Variants in TBC1D2B observed in about 807,000 individuals in gnomAD.
TBC1D2B encodes TBC1 domain family, member 2B.
In TBC1D2B, 64 loss-of-function variants were observed where a neutral mutation model predicts 100.8. The ratio of observed to expected loss-of-function variants is 0.64; its 90% CI spans 0.52 to 0.78. The LOEUF (loss-of-function observed/expected upper bound fraction) is 0.78, where lower values mean the gene tolerates loss of function less well. Among genes scored for constraint, TBC1D2B ranks in the 30% least tolerant of loss-of-function variants. The pLI is 0.00. For synonymous variants in TBC1D2B, 480 were observed against 479.7 expected, an observed-to-expected ratio of 1.00 and a Z score of -0.01; for missense variants, 1,052 against 1,218.4, an observed-to-expected ratio of 0.86 and a Z score of 2.03.
chr15:77,999,591 C>G (rs1052668596), intron 12 of TBC1D2B, among the ~76,000 whole-genome samples: 1 of 152,186 alleles, frequency 6.6e-6, no homozygotes, highest in Admixed American at 6.5e-5. Context: ...CCCCAGCAGG[C>G]GGGAGGAGGC....
At position 78,016,742 on chromosome 15, in the gene TBC1D2B, G is replaced by A. The variant is rs1422044991; in HGVS notation, c.1582-3C>T. 2 of 1,528,036 alleles carry A rather than the reference G, an allele frequency of 1.3e-6. No homozygotes were observed. Among genetic ancestry groups the A allele is most frequent in the Non-Finnish European group, 8.8e-7 (1 of 1,140,264 alleles). 94.7% of individuals were successfully genotyped at this position (1,528,036 alleles called of 1,614,324 possible). On this transcript the variant is annotated splice_region_variant and splice_polypyrimidine_tract_variant and intron_variant, in intron 7 of 12. Transcript: ENST00000300584. ...AGCTTGGCTTCCAGGCTAGAATACT[G>A]CAGAGAATGTGGTGGTTACCTCCAT...
At chr15:78,069,930 T>G (rs1288206274) in intron 1 of TBC1D2B, among the ~76,000 whole-genome samples, 1 of 152,244 alleles carries the variant, frequency 6.6e-6, no homozygotes, top group Non-Finnish European at 1.5e-5. Flanking sequence ...AATAAATTTC[T>G]GTTGTTTATA....
At chr15:78,054,247 ATAT>A (rs2073374325) in intron 1 of TBC1D2B, 60 bp from the exon 2 acceptor site, 2 of 1,527,200 alleles carry the variant, frequency 1.3e-6, no homozygotes, top group African/African-American at 2.8e-5. Context: ...AGCTTAAAAA[ATAT>A]TATGTCTCAT....
In TBC1D2B at chr15:78,025,432, T is replaced by C. The variant is rs2141698571; in HGVS notation, c.913A>G (p.Lys305Glu). 1 of 1,613,976 alleles carries C rather than the reference T, an allele frequency of 6.2e-7. No individual in the cohort carries two copies. The highest frequency in any genetic ancestry group is 1.3e-5 in the African/African-American group (1 of 75,036). The change falls in exon 5 of 13, where the codon AAA becomes GAA. Residue 305 changes from lysine to glutamate, a missense_variant. Lys to Glu is a moderately conservative substitution (Grantham distance 56, BLOSUM62 1). This residue lies in a region of TBC1D2B where 627 missense variants were observed against 646.1 expected (regional missense o/e 0.97). Coordinates refer to ENST00000300584, the MANE Select transcript of TBC1D2B (RefSeq NM_144572.2). ...TTTTTGTACGACCCAATTATGTCTT[T>C]CAAAGGGCGCTTTCCTTTGTAGGGG... ...RNPYKGKRPLKDIIGSYKNRH... is the reference protein window; with the variant it reads ...RNPYKGKRPLEDIIGSYKNRH...
At chr15:78,062,528 T>C (rs887245800) in intron 1 of TBC1D2B, among the ~76,000 whole-genome samples, 1 of 152,136 alleles carries the variant, frequency 6.6e-6, no homozygotes, top group African/African-American at 2.4e-5. Context: ...TGAGGAGAAT[T>C]TGGAAAACAC....
intron 1 of TBC1D2B, among the ~76,000 whole-genome samples, chr15:78,074,804 TTTTA>T (rs1677828984): frequency 6.6e-6 from 1 of 152,250 alleles, no homozygotes; most frequent in Non-Finnish European, 1.5e-5. Flanking sequence ...TCTTGTTCAA[TTTTA>T]TTGTTTGTGA....
chr15:78,001,824 TACTGGGG>T, intron 11 of TBC1D2B, 84 bp from the exon 12 acceptor site: 1 of 1,460,750 alleles, frequency 6.8e-7, no homozygotes, highest in South Asian at 1.3e-5. Flanking sequence ...GTGCTGGCCC[TACTGGGG>T]ACAGGGGGAC....
Position 78,077,237 on chromosome 15 carries a change from G to A in TBC1D2B, c.360+56C>T, listed in dbSNP as rs977632020. The A allele has an allele frequency of 1.1e-5, 15 of 1,403,560 alleles. 1 individual carries two copies. Among genetic ancestry groups the A allele is most frequent in the South Asian group, 1.6e-5 (1 of 64,022 alleles). 86.9% of individuals were successfully genotyped at this position (1,403,560 alleles called of 1,614,324 possible). ...AGGGTGGATGGCGCAAGCCAGTGGC[G>A]GAGGCAGGGGACGCCGGCGGAAGCG... On this transcript the variant is annotated intron_variant, in intron 1 of 12. Coordinates refer to ENST00000300584, the MANE Select transcript of TBC1D2B (RefSeq NM_144572.2).
intron 9 of TBC1D2B, among the ~76,000 whole-genome samples, chr15:78,011,449 T>A (rs1235738114): frequency 6.6e-6 from 1 of 151,402 alleles, no homozygotes; most frequent in Non-Finnish European, 1.5e-5. Flanking sequence ...CAGAACTTTT[T>A]CATTCTTACT....
At chr15:78,005,505 A>G (rs889737989) in intron 10 of TBC1D2B, among the ~76,000 whole-genome samples, 1 of 152,200 alleles carries the variant, frequency 6.6e-6, no homozygotes, top group Non-Finnish European at 1.5e-5. Context: ...CACCTTACGC[A>G]ATGGCCATCG....
chr15:78,006,383 G>A (rs754690040), intron 10 of TBC1D2B, among the ~76,000 whole-genome samples: 17 of 152,116 alleles, frequency 1.1e-4, no homozygotes, highest in South Asian at 2.1e-4. Context: ...ACACACCAAC[G>A]CAACAGAACA....
chr15:78,074,959 C>G (rs560197218), intron 1 of TBC1D2B, among the ~76,000 whole-genome samples: 99 of 152,100 alleles, frequency 6.5e-4, no homozygotes, highest in Admixed American at 2.7e-3. Flanking sequence ...ATTTTCCATA[C>G]CACTATGGAA....
chr15:78,017,559 T>C (rs1307861532), intron 7 of TBC1D2B, among the ~76,000 whole-genome samples: 2 of 152,248 alleles, frequency 1.3e-5, no homozygotes, highest in East Asian at 3.8e-4. Flanking sequence ...CTTATGTTCT[T>C]TTTTTAACTA....
chr15:78,025,252 A>G lies in TBC1D2B; in HGVS notation c.1086+7T>C, dbSNP rs755679290. 6.2e-7 allele frequency: 1 copy of G among 1,611,352 alleles called. No individual in the cohort carries two copies. The highest frequency in any genetic ancestry group is 8.5e-7 in the Non-Finnish European group (1 of 1,178,232). On this transcript the variant is annotated splice_region_variant and intron_variant, in intron 5 of 12. Coordinates refer to ENST00000300584, the MANE Select transcript of TBC1D2B (RefSeq NM_144572.2). ...GGGGTAAGACAGAAGCCAGAAGAAG[A>G]AGTTACCTTCTGACTGGACAGGTCT...
intron 8 of TBC1D2B, among the ~76,000 whole-genome samples, chr15:78,014,952 A>G (rs1212273633): frequency 6.6e-6 from 1 of 152,236 alleles, no homozygotes; most frequent in African/African-American, 2.4e-5. Flanking sequence ...CGGTAATCCC[A>G]GCACTTTGGG....
At chr15:78,055,337 G>A (rs1473396437) in intron 1 of TBC1D2B, among the ~76,000 whole-genome samples, 3 of 151,810 alleles carry the variant, frequency 2.0e-5, no homozygotes, top group Non-Finnish European at 2.9e-5. Context: ...CAAGATGGGG[G>A]AGAGGACCCA....
chr15:78,004,355 C>T (rs369794326), intron 10 of TBC1D2B, among the ~76,000 whole-genome samples: 2 of 152,210 alleles, frequency 1.3e-5, no homozygotes, highest in Non-Finnish European at 2.9e-5. Flanking sequence ...GACAGGTCCC[C>T]GCCAAGCACT....
At chr15:78,026,282 G>C (rs1403764158) in intron 4 of TBC1D2B, among the ~76,000 whole-genome samples, 1 of 151,956 alleles carries the variant, frequency 6.6e-6, no homozygotes, top group African/African-American at 2.4e-5. Flanking sequence ...TAGGTCATGA[G>C]GACTCTGCCC....
intron 3 of TBC1D2B, among the ~76,000 whole-genome samples, chr15:78,037,068 A>G (rs1296624666): frequency 6.6e-6 from 1 of 152,186 alleles, no homozygotes; most frequent in Non-Finnish European, 1.5e-5. Context: ...CACAGCCTCA[A>G]AGAAACCAAA....
Sources: allele counts gnomAD v4.1 joint callset (sites outside exome capture counted in the v4.1 genomes callset), GRCh38; gene constraint gnomAD v4.1.1; regional missense constraint gnomAD v4.1.1; transcripts MANE v1.5; gene names NCBI Gene and HGNC (gene_info 2026-07-23, HGNC 2026-07-21).